Variants in PLCG2 observed in about 807,000 individuals in gnomAD.
PLCG2 encodes the protein 1-phosphatidylinositol 4,5-bisphosphate phosphodiesterase gamma-2.
Under a neutral mutation model 175.6 loss-of-function variants are expected in PLCG2, and 69 were observed. That is an observed-to-expected ratio of 0.39 (90% CI 0.32 to 0.48). The LOEUF (loss-of-function observed/expected upper bound fraction) is 0.48. Ranked by LOEUF, PLCG2 falls within the 20% of genes least tolerant of loss-of-function variation. PLCG2 has a pLI of 0.91. For synonymous variants in PLCG2, 827 were observed against 624.0 expected, an observed-to-expected ratio of 1.33 and a Z score of -4.85; for missense variants, 1,798 against 1,650.9, an observed-to-expected ratio of 1.09 and a Z score of -1.54.
At chr16:81,780,741 T>C (rs1225543932) in intron 1 of PLCG2, among the ~76,000 whole-genome samples, 1 of 152,046 alleles carries the variant, frequency 6.6e-6, no homozygotes, top group Non-Finnish European at 1.5e-5. Flanking sequence ...TGAAAACATT[T>C]CTTGGTCAGG....
At chr16:81,827,772 C>G (rs115934710) in intron 2 of PLCG2, among the ~76,000 whole-genome samples, 1,939 of 152,128 alleles carry the variant, frequency 0.013, 60 homozygotes, top group African/African-American at 0.044. Context: ...TAGGTTGTTA[C>G]TGTGAAATCT....
At chr16:81,856,283 A>C (rs1046853995) in intron 3 of PLCG2, among the ~76,000 whole-genome samples, 2 of 152,282 alleles carry the variant, frequency 1.3e-5, no homozygotes, top group South Asian at 4.1e-4. Context: ...TCATAGTTCC[A>C]TGAGGTGTTT....
chr16:81,778,229 C>G (rs971960979), upstream of PLCG2, among the ~76,000 whole-genome samples: 2 of 151,720 alleles, frequency 1.3e-5, no homozygotes, highest in Admixed American at 1.3e-4. Flanking sequence ...GAAAATTAGC[C>G]AAGTGTGGTG....
rs141294634 is a variant in PLCG2 at position 81,961,501 on chromosome 16, A to T, written c.*3503A>T. On this transcript the variant is annotated 3_prime_UTR_variant, in exon 33 of 33. Transcript: ENST00000564138. ...CAGCCTTAGGATTATAGGATACTATATAATACTTTTGGTACAGAGATAGAA... is the reference window on the plus strand; with the variant it reads ...CAGCCTTAGGATTATAGGATACTATTTAATACTTTTGGTACAGAGATAGAA... 1.3e-4 allele frequency: 29 copies of T among 222,938 alleles called. No individual in the cohort carries two copies. The East Asian group carries it at 1.9e-3, about 15-fold the overall frequency. The allele number at this position is 222,938 out of a possible 1,614,324, so 13.8% of individuals were successfully genotyped here.
In PLCG2 at chr16:81,854,436, C is replaced by T. The variant is rs763100401; in HGVS notation, c.194-8C>T. 5.0e-6 allele frequency: 8 copies of T among 1,613,300 alleles called. No individual in the cohort carries two copies. Among genetic ancestry groups the T allele is most frequent in the Non-Finnish European group, 6.8e-6 (8 of 1,179,480 alleles). On this transcript the variant is annotated splice_region_variant and splice_polypyrimidine_tract_variant and intron_variant, in intron 2 of 32. Coordinates refer to ENST00000564138, the MANE Select transcript of PLCG2 (RefSeq NM_002661.5). The stretch of plus-strand genomic sequence containing the variant: ...GCTTCTAATTGGCTCATGTTAATTT[C>T]ATTTTAGTGGATATCATGGAAATAA...
intron 2 of PLCG2, among the ~76,000 whole-genome samples, chr16:81,765,860 C>G (rs1910138713): frequency 6.6e-6 from 1 of 152,194 alleles, no homozygotes; most frequent in Non-Finnish European, 1.5e-5. Context: ...CTGTGGACAG[C>G]TGCTGTGTAG....
upstream of PLCG2, among the ~76,000 whole-genome samples, chr16:81,776,234 GA>G (rs1910403351): frequency 6.6e-6 from 1 of 150,500 alleles, no homozygotes; most frequent in South Asian, 2.1e-4. Flanking sequence ...TCAGCCTCCT[GA>G]GTAGGTGGGA....
chr16:81,953,344 G>A (rs1451207738), intron 31 of PLCG2, among the ~76,000 whole-genome samples: 6 of 152,224 alleles, frequency 3.9e-5, no homozygotes, highest in Admixed American at 6.5e-5. Flanking sequence ...TACTGTGGTT[G>A]TGCGAGATGT....
At position 81,880,960 on chromosome 16, in the gene PLCG2, C is replaced by T. The variant is rs773842088; in HGVS notation, c.692+7C>T. On this transcript the variant is annotated splice_region_variant and intron_variant, in intron 8 of 32. Coordinates refer to ENST00000564138, the MANE Select transcript of PLCG2 (RefSeq NM_002661.5). The stretch of plus-strand genomic sequence containing the variant: ...CGTCCGTGTTCATCCTGGGGTGAGG[C>T]AGCTCTTGTGTGTCGTTCGGGGCGG... 8.1e-6 allele frequency: 13 copies of T among 1,613,884 alleles called. No individual in the cohort carries two copies. Among genetic ancestry groups the T allele is most frequent in the Middle Eastern group, 1.6e-4 (1 of 6,084 alleles).
intron 24 of PLCG2, among the ~76,000 whole-genome samples, chr16:81,930,643 G>A (rs1910459569): frequency 6.6e-6 from 1 of 151,684 alleles, no homozygotes; most frequent in Non-Finnish European, 1.5e-5. Flanking sequence ...AGCTACTAGG[G>A]AGGCTGAGGT....
chr16:81,778,491 G>C (rs1464763141), upstream of PLCG2, among the ~76,000 whole-genome samples: 1 of 152,192 alleles, frequency 6.6e-6, no homozygotes, highest in Non-Finnish European at 1.5e-5. Flanking sequence ...AAGAGCATAG[G>C]AAGGGTTTGA....
intron 2 of PLCG2, among the ~76,000 whole-genome samples, chr16:81,813,053 T>C (rs143089796): frequency 0.06 from 9,168 of 152,300 alleles, 300 homozygotes; most frequent in South Asian, 0.088. Flanking sequence ...TTGGTACCAG[T>C]ACCATGCTGT....
chr16:81,758,908 C>T (rs1433551416), intron 2 of PLCG2, among the ~76,000 whole-genome samples: 1 of 152,076 alleles, frequency 6.6e-6, no homozygotes, highest in African/African-American at 2.4e-5. Flanking sequence ...GAACTCCTGA[C>T]CTCAGGTGAT....
chr16:81,807,464 C>G (rs933371682), intron 2 of PLCG2, among the ~76,000 whole-genome samples: 8 of 152,210 alleles, frequency 5.3e-5, no homozygotes, highest in Non-Finnish European at 1.2e-4. Flanking sequence ...GGAAGCCCAT[C>G]AAGCCCCCAC....
intron 7 of PLCG2, among the ~76,000 whole-genome samples, chr16:81,878,098 C>T (rs894023834): frequency 6.7e-6 from 1 of 149,626 alleles, no homozygotes; most frequent in Non-Finnish European, 1.5e-5. Flanking sequence ...TCTTCTGCCT[C>T]AGCCTCCCGA....
chr16:81,885,365 T>C (rs530159953), intron 9 of PLCG2, among the ~76,000 whole-genome samples: 2 of 152,104 alleles, frequency 1.3e-5, no homozygotes, highest in South Asian at 4.2e-4. Flanking sequence ...GATTTCCCCA[T>C]GTTGCTCAGG....
intron 2 of PLCG2, among the ~76,000 whole-genome samples, chr16:81,788,078 A>G (rs1418872079): frequency 6.6e-6 from 1 of 152,168 alleles, no homozygotes; most frequent in African/African-American, 2.4e-5. Flanking sequence ...TTTTGGGTAT[A>G]TACCTAGGAG....
chr16:81,800,656 A>G (rs982530673), intron 2 of PLCG2, among the ~76,000 whole-genome samples: 4 of 151,730 alleles, frequency 2.6e-5, no homozygotes, highest in African/African-American at 9.7e-5. Context: ...CGCTATTGTG[A>G]TACTATTGCT....
At chr16:81,766,208 CTT>C (rs145200759) in intron 2 of PLCG2, among the ~76,000 whole-genome samples, 2,569 of 152,160 alleles carry the variant, frequency 0.017, 72 homozygotes, top group African/African-American at 0.058. Flanking sequence ...GGACTCAGGC[CTT>C]TCTCTCCAAG....
Sources: allele counts gnomAD v4.1 joint callset (sites outside exome capture counted in the v4.1 genomes callset), GRCh38; gene constraint gnomAD v4.1.1; transcripts MANE v1.5; gene names NCBI Gene and HGNC (gene_info 2026-07-23, HGNC 2026-07-21).